VAV3: variants seen among roughly 807,000 people sequenced by gnomAD.
The protein encoded by VAV3 is guanine nucleotide exchange factor VAV3.
A neutral mutation model predicts 131.2 loss-of-function variants in VAV3; 94 were observed. That is an observed-to-expected ratio of 0.72 (90% CI 0.61 to 0.85). The LOEUF is 0.85. VAV3 is among the 40% of genes least tolerant of loss of function. The pLI, the probability that VAV3 is intolerant of heterozygous loss-of-function variation, is 0.00. For missense variants in VAV3, 939 were observed against 1,002.7 expected (o/e 0.94, Z 0.86); for synonymous variants, 349 against 342.0 (o/e 1.02, Z -0.22).
At chr1:107,759,395 T>TTC (rs1433067240) in intron 10 of VAV3, among the ~76,000 whole-genome samples, 1 of 152,238 alleles carries the variant, frequency 6.6e-6, no homozygotes, top group African/African-American at 2.4e-5. Context: ...CTATAAAATA[T>TTC]TCTCACTTTG....
intron 6 of VAV3, among the ~76,000 whole-genome samples, chr1:107,769,222 C>T (rs1355000699): frequency 4.6e-5 from 7 of 152,210 alleles, no homozygotes; most frequent in Non-Finnish European, 4.4e-5. Context: ...AATCACTTCC[C>T]TGTAAATCCC....
At chr1:107,666,972 G>A (rs1657454402) in intron 19 of VAV3, among the ~76,000 whole-genome samples, 1 of 152,186 alleles carries the variant, frequency 6.6e-6, no homozygotes, top group South Asian at 2.1e-4. Flanking sequence ...TTTTCAAAAA[G>A]GCATCATAAG....
At chr1:107,836,029 T>A (rs1387723070) in intron 2 of VAV3, among the ~76,000 whole-genome samples, 1 of 152,200 alleles carries the variant, frequency 6.6e-6, no homozygotes, top group African/African-American at 2.4e-5. Context: ...GCATCCAGAT[T>A]CATAAAACAA....
At position 107,573,358 on chromosome 1, in the gene VAV3, T is replaced by A. The variant is rs1204910600; in HGVS notation, c.2517A>T (p.Pro839=). The A allele has an allele frequency of 1.9e-6, 3 of 1,614,016 alleles. No individual in the cohort carries two copies. In the East Asian group the frequency reaches 6.7e-5, roughly 36 times the overall value. The change falls in exon 27 of 27, where the codon CCA becomes CCT. Residue 839 remains proline, a synonymous_variant. Coordinates refer to ENST00000370056, the MANE Select transcript of VAV3 (RefSeq NM_006113.5). ...GEVNGRVGWF[P]STYVEEDE ...ATTCATCCTCTTCCACATATGTGGA[T>A]GGAAACCAGCCCACCTAAAAAAGAA...
chr1:107,820,132 A>G (rs1468862327), intron 2 of VAV3, among the ~76,000 whole-genome samples: 2 of 152,226 alleles, frequency 1.3e-5, no homozygotes, highest in African/African-American at 4.8e-5. Flanking sequence ...AAAGGAAATC[A>G]GTATATCAAA....
At chr1:107,655,201 T>C (rs1050871364) in intron 19 of VAV3, among the ~76,000 whole-genome samples, 1 of 152,060 alleles carries the variant, frequency 6.6e-6, no homozygotes, top group African/African-American at 2.4e-5. Flanking sequence ...GCTGGAGATA[T>C]CACACTACCT....
intron 20 of VAV3, among the ~76,000 whole-genome samples, chr1:107,638,453 A>G (rs551513995): frequency 6.6e-6 from 1 of 152,328 alleles, no homozygotes; most frequent in South Asian, 2.1e-4. Context: ...TGAAATATGA[A>G]ATAATTACAG....
At chr1:107,815,672 G>T (rs1667532376) in intron 2 of VAV3, among the ~76,000 whole-genome samples, 1 of 152,162 alleles carries the variant, frequency 6.6e-6, no homozygotes, top group Non-Finnish European at 1.5e-5. Context: ...AAAGAAGATA[G>T]GATATTTGGA....
intron 20 of VAV3, among the ~76,000 whole-genome samples, chr1:107,637,086 C>T (rs549799504): frequency 5.3e-5 from 8 of 151,942 alleles, no homozygotes; most frequent in Non-Finnish European, 8.8e-5. Flanking sequence ...CCTATCTAGT[C>T]GGGCTGACCA....
chr1:107,854,758 G>A (rs553729246), intron 2 of VAV3, among the ~76,000 whole-genome samples: 6 of 152,236 alleles, frequency 3.9e-5, no homozygotes, highest in African/African-American at 1.4e-4. Context: ...TGATGGGAGG[G>A]TCTCTTCTCT....
intron 2 of VAV3, among the ~76,000 whole-genome samples, chr1:107,817,922 C>G (rs980947515): frequency 6.6e-6 from 1 of 152,206 alleles, no homozygotes; most frequent in Non-Finnish European, 1.5e-5. Flanking sequence ...ACAATTTCAT[C>G]TGGCAACCAG....
intron 20 of VAV3, among the ~76,000 whole-genome samples, chr1:107,623,097 T>C (rs899929879): frequency 2.0e-5 from 3 of 152,186 alleles, no homozygotes; most frequent in Admixed American, 6.5e-5. Context: ...ATCAGTTACA[T>C]ATACATAAGG....
At chr1:107,956,828 G>C (rs896555269) in intron 1 of VAV3, among the ~76,000 whole-genome samples, 7 of 152,040 alleles carry the variant, frequency 4.6e-5, no homozygotes, top group Admixed American at 3.9e-4. Flanking sequence ...GTTGTAAGCA[G>C]GGAATAAGTA....
At chr1:107,854,362 C>T (rs1360695221) in intron 2 of VAV3, among the ~76,000 whole-genome samples, 1 of 152,022 alleles carries the variant, frequency 6.6e-6, no homozygotes, top group Non-Finnish European at 1.5e-5. Context: ...AAGCCGACAC[C>T]ACCCTGGGCA....
At chr1:107,947,880 G>C (rs1292558379) in intron 1 of VAV3, among the ~76,000 whole-genome samples, 1 of 152,154 alleles carries the variant, frequency 6.6e-6, no homozygotes, top group African/African-American at 2.4e-5. Flanking sequence ...ACTGAGCCAA[G>C]AACAGGAAAC....
Position 107,590,842 on chromosome 1 carries a change from C to T in VAV3, c.2350+5370G>A, listed in dbSNP as rs142911170. On this transcript the variant is annotated intron_variant, in intron 25 of 26. Coordinates refer to ENST00000370056, the MANE Select transcript of VAV3 (RefSeq NM_006113.5). The stretch of plus-strand genomic sequence containing the variant: ...ACTCATGTTCAAAGCATGCTTATCC[C>T]TCTCACGGACATCTGCAATAGCCTC... Among the ~76,000 whole-genome samples, 268 of 152,260 alleles carry T rather than the reference C, an allele frequency of 1.8e-3. 1 individual carries two copies. Among genetic ancestry groups the T allele is most frequent in the African/African-American group, 6.2e-3 (257 of 41,560 alleles).
chr1:107,870,343 G>T (rs1670196854), intron 2 of VAV3, among the ~76,000 whole-genome samples: 2 of 152,166 alleles, frequency 1.3e-5, no homozygotes, highest in East Asian at 1.9e-4. Context: ...CAGGAGTAAG[G>T]TGGTATTCCA....
intron 2 of VAV3, among the ~76,000 whole-genome samples, chr1:107,853,147 C>T (rs1323128443): frequency 2.0e-5 from 3 of 152,008 alleles, no homozygotes; most frequent in African/African-American, 7.3e-5. Context: ...TTGAGTTTTC[C>T]ATTTATGTAT....
intron 19 of VAV3, among the ~76,000 whole-genome samples, chr1:107,650,642 C>T (rs1345591329): frequency 6.6e-6 from 1 of 150,850 alleles, no homozygotes; most frequent in Non-Finnish European, 1.5e-5. Flanking sequence ...ATGTGCCATG[C>T]TGGTGTGCTG....
Sources: gnomAD v4.1 joint callset for allele counts (sites outside exome capture counted in the v4.1 genomes callset) on GRCh38, gnomAD v4.1.1 for gene constraint, MANE v1.5 for transcripts, NCBI Gene and HGNC (gene_info 2026-07-23, HGNC 2026-07-21) for gene names.